Variants in RANBP17 observed in about 807,000 individuals in gnomAD.
The protein encoded by RANBP17 is RAN binding protein 17, also known as ran-binding protein 17.
Under a neutral mutation model 141.2 loss-of-function variants are expected in RANBP17, and 158 were observed. The observed-to-expected ratio is 1.12, with a 90% confidence interval of 0.98 to 1.28. The LOEUF is 1.28. Among genes scored for constraint, RANBP17 ranks in the 50% most tolerant of loss-of-function variants. The pLI is 0.00. For missense variants in RANBP17, 1,438 were observed against 1,290.7 expected, an observed-to-expected ratio of 1.11 and a Z score of -1.75; for synonymous variants, 430 against 450.0, an observed-to-expected ratio of 0.96 and a Z score of 0.56.
chr5:170,986,822 T>C (rs1778177020), intron 14 of RANBP17, among the ~76,000 whole-genome samples: 1 of 151,896 alleles, frequency 6.6e-6, no homozygotes, highest in Non-Finnish European at 1.5e-5. Context: ...TCTTCCTGTA[T>C]GGTATGTTAC....
At chr5:171,080,404 T>C (rs1346238693) in intron 14 of RANBP17, among the ~76,000 whole-genome samples, 21 of 152,188 alleles carry the variant, frequency 1.4e-4, no homozygotes, top group Admixed American at 1.4e-3. Flanking sequence ...ACCTATATTC[T>C]ATAATAGTCA....
At chr5:170,952,228 A>G (rs757382992) in intron 12 of RANBP17, among the ~76,000 whole-genome samples, 1 of 152,026 alleles carries the variant, frequency 6.6e-6, no homozygotes, top group Non-Finnish European at 1.5e-5. Flanking sequence ...AGCTTCCTAC[A>G]TGAAGTTTTT....
chr5:171,005,165 T>A (rs1779504574), intron 14 of RANBP17, among the ~76,000 whole-genome samples: 1 of 152,158 alleles, frequency 6.6e-6, no homozygotes. Flanking sequence ...ATGGCCATAC[T>A]GCCCAAGGTA....
intron 20 of RANBP17, among the ~76,000 whole-genome samples, chr5:171,209,460 TA>T (rs1762753646): frequency 6.6e-6 from 1 of 152,112 alleles, no homozygotes; most frequent in South Asian, 2.1e-4. Flanking sequence ...GAGAAGAAAG[TA>T]AAGCTGAAAA....
intron 15 of RANBP17, among the ~76,000 whole-genome samples, chr5:171,170,573 A>G (rs1057170371): frequency 6.6e-6 from 1 of 152,126 alleles, no homozygotes; most frequent in Non-Finnish European, 1.5e-5. Context: ...AATCATTGAG[A>G]GAGGTCTGAT....
At chr5:171,070,464 T>A (rs1026588414) in intron 14 of RANBP17, among the ~76,000 whole-genome samples, 1 of 152,164 alleles carries the variant, frequency 6.6e-6, no homozygotes, top group African/African-American at 2.4e-5. Flanking sequence ...TAGCTGTTCT[T>A]CATCTTTTTT....
intron 14 of RANBP17, among the ~76,000 whole-genome samples, chr5:171,045,283 A>T (rs1196363020): frequency 6.6e-6 from 1 of 152,142 alleles, no homozygotes; most frequent in Admixed American, 6.5e-5. Flanking sequence ...AAAACCTCTC[A>T]ATATGCAAGG....
chr5:170,929,433 GTAT>G (rs1773168538), intron 12 of RANBP17, among the ~76,000 whole-genome samples: 1 of 152,012 alleles, frequency 6.6e-6, no homozygotes. Flanking sequence ...AATGAATAAC[GTAT>G]TATTTTGGGG....
chr5:171,018,104 A>G (rs896418265), intron 14 of RANBP17, among the ~76,000 whole-genome samples: 1 of 151,536 alleles, frequency 6.6e-6, no homozygotes, highest in Non-Finnish European at 1.5e-5. Context: ...TTTCTGTTCC[A>G]TTGGTCTGTA....
chr5:170,908,545 A>C (rs1246054007), intron 5 of RANBP17, among the ~76,000 whole-genome samples: 1 of 151,364 alleles, frequency 6.6e-6, no homozygotes, highest in African/African-American at 2.4e-5. Flanking sequence ...TAAAGGTTGA[A>C]AAACTGACTT....
chr5:171,133,603 G>A lies in RANBP17; in HGVS notation c.1711-36527G>A, dbSNP rs1234055549. On this transcript the variant is annotated intron_variant, in intron 14 of 27. Transcript: ENST00000523189. ...GTTTTTAGGAAATTACATTTTTGCA[G>A]AATTTTCATAAATGCTTGAAAAGAT... Among the ~76,000 whole-genome samples the A allele has an allele frequency of 2.0e-5, 3 of 152,122 alleles. No homozygotes were observed. The South Asian group carries it at 6.2e-4, about 31-fold the overall frequency.
At chr5:171,197,120 G>A (rs1451328460) in intron 18 of RANBP17, among the ~76,000 whole-genome samples, 2 of 152,090 alleles carry the variant, frequency 1.3e-5, no homozygotes, top group Non-Finnish European at 2.9e-5. Flanking sequence ...TATATTTTAT[G>A]TATTTAGGAT....
chr5:171,126,345 AATAACCTCCTAC>A (rs995911093), intron 14 of RANBP17, among the ~76,000 whole-genome samples: 39 of 152,332 alleles, frequency 2.6e-4, no homozygotes, highest in Admixed American at 1.3e-3. Flanking sequence ...ATTTTATAGC[AATAACCTCCTAC>A]ATCAAAAAAG....
chr5:170,979,347 CTAGT>C (rs1777605176), intron 14 of RANBP17, among the ~76,000 whole-genome samples: 1 of 152,150 alleles, frequency 6.6e-6, no homozygotes, highest in African/African-American at 2.4e-5. Context: ...TATAAGAACT[CTAGT>C]TAAATATAGC....
In RANBP17 at chr5:171,062,144, A is replaced by G. The variant is rs1783923054; in HGVS notation, c.1710+93767A>G. ...CCAGTCTGTGTCTTTTAATTGGAGC[A>G]TTTAGTCCATTTACATTTAAAGTTA... On this transcript the variant is annotated intron_variant, in intron 14 of 27. Coordinates refer to ENST00000523189, the MANE Select transcript of RANBP17 (RefSeq NM_022897.5). Among the ~76,000 whole-genome samples the G allele has an allele frequency of 2.0e-5, 3 of 151,868 alleles. No homozygotes were observed. The South Asian group carries it at 6.3e-4, about 32-fold the overall frequency.
intron 3 of RANBP17, among the ~76,000 whole-genome samples, chr5:170,889,384 C>T (rs1421840782): frequency 6.6e-6 from 1 of 151,870 alleles, no homozygotes; most frequent in Non-Finnish European, 1.5e-5. Context: ...AGACTATCTA[C>T]AAGTTTGGAT....
chr5:170,981,561 CAT>C (rs1491554545), intron 14 of RANBP17, among the ~76,000 whole-genome samples: 3 of 147,788 alleles, frequency 2.0e-5, no homozygotes, highest in South Asian at 2.2e-4. Context: ...CACAGGCTCT[CAT>C]TTTTTTTTTT....
chr5:171,265,406 G>T (rs1766604360), intron 24 of RANBP17, among the ~76,000 whole-genome samples: 1 of 152,130 alleles, frequency 6.6e-6, no homozygotes, highest in Admixed American at 6.5e-5. Context: ...GTGGTGGCAG[G>T]CACCTGTTAG....
At chr5:170,924,605 T>A in intron 12 of RANBP17, 55 bp downstream of exon 12, 1 of 1,121,604 alleles carries the variant, frequency 8.9e-7, no homozygotes, top group Non-Finnish European at 1.3e-6. Context: ...AGTAACATCA[T>A]TAATCACTTT....
Sources: allele counts gnomAD v4.1 joint callset (sites outside exome capture counted in the v4.1 genomes callset), GRCh38; gene constraint gnomAD v4.1.1; transcripts MANE v1.5; gene names NCBI Gene and HGNC (gene_info 2026-07-23, HGNC 2026-07-21).